Variants in RREB1 observed in about 807,000 individuals in gnomAD.
RREB1 encodes ras responsive element binding protein 1.
In RREB1, 27 loss-of-function variants were observed where a neutral mutation model predicts 117.8. That is an observed-to-expected ratio of 0.23 (90% CI 0.17 to 0.32). RREB1 has a LOEUF of 0.32. Ranked by LOEUF, RREB1 falls within the 10% of genes least tolerant of loss-of-function variation. The probability of loss-of-function intolerance (pLI) is 1.00; values close to 1 mark genes in which losing one functional copy is unlikely to be tolerated. For synonymous variants in RREB1, 1,298 were observed against 1,026.7 expected, an observed-to-expected ratio of 1.26 and a Z score of -5.05; for missense variants, 2,577 against 2,378.2, an observed-to-expected ratio of 1.08 and a Z score of -1.74.
chr6:7,247,170 A>AGTT lies in RREB1; in HGVS notation c.4720_4721insGTT (p.Lys1574delinsSerTer). 6.2e-7 allele frequency: 1 copy of AGTT among 1,613,740 alleles called. No homozygotes were observed. Among genetic ancestry groups the AGTT allele is most frequent in the Non-Finnish European group, 8.5e-7 (1 of 1,179,990 alleles). Reference sequence around the variant, plus strand: ...GAAGAAGGTCTGCAGCGTGTGCAACAAGCGGTTCTGGTCGCTGCAGGACCT... The same window carrying AGTT: ...GAAGAAGGTCTGCAGCGTGTGCAACAGTTAGCGGTTCTGGTCGCTGCAGGACCT... On this transcript the variant is annotated stop_gained and protein_altering_variant, in exon 12 of 13. Coordinates refer to ENST00000379938, the MANE Select transcript of RREB1 (RefSeq NM_001003699.4). LOFTEE classifies it high-confidence loss of function.
chr6:7,153,021 A>T (rs1463464389), intron 1 of RREB1, among the ~76,000 whole-genome samples: 6 of 151,154 alleles, frequency 4.0e-5, no homozygotes, highest in African/African-American at 7.3e-5. Context: ...TGTAGTCTTA[A>T]GTTGTTAATT....
At chr6:7,235,963 CT>C (rs1028410029) in intron 10 of RREB1, among the ~76,000 whole-genome samples, 1 of 152,180 alleles carries the variant, frequency 6.6e-6, no homozygotes, top group Non-Finnish European at 1.5e-5. Flanking sequence ...TTCATACCCC[CT>C]GGCACAGTCT....
intron 1 of RREB1, chr6:7,140,540 T>G (rs1399480642): frequency 6.6e-6 from 1 of 152,228 alleles, no homozygotes; most frequent in African/African-American, 2.4e-5. Context: ...TTGCCTATCA[T>G]TTTCGAAAAC....
intron 1 of RREB1, among the ~76,000 whole-genome samples, chr6:7,172,704 G>T (rs934378433): frequency 5.3e-5 from 8 of 151,598 alleles, no homozygotes; most frequent in Non-Finnish European, 1.0e-4. Flanking sequence ...GGGGGTGGGG[G>T]TGACTTTCTT....
Position 7,231,021 on chromosome 6 carries a change from A to G in RREB1, c.2922A>G (p.Ala974=), listed in dbSNP as rs767419914. ...GCGAGCAGCCCTCTCCCTGCCCAGC[A>G]CCCGGCCCTTCTCTTCCTGTAACTT... ...GSSEQPSPCP[A]PGPSLPVTLG... Residue 974 remains alanine (A), a synonymous_variant, in exon 10 of 13, where the codon GCA becomes GCG. Coordinates refer to ENST00000379938, the MANE Select transcript of RREB1 (RefSeq NM_001003699.4). 1.2e-6 allele frequency: 2 copies of G among 1,613,966 alleles called. No individual in the cohort carries two copies. The highest frequency in any genetic ancestry group is 1.7e-6 in the Non-Finnish European group (2 of 1,179,986).
rs115374971 is a variant in RREB1, at chr6:7,210,175, A to G, written c.426-629A>G. 6.5e-3 allele frequency among the ~76,000 whole-genome samples: 985 copies of G among 152,336 alleles called. 10 individuals carry two copies. Among genetic ancestry groups the G allele is most frequent in the Admixed American group, 9.5e-3 (146 of 15,308 alleles). On this transcript the variant is annotated intron_variant, in intron 6 of 12. Transcript: ENST00000379938. ...CTATATGGGTAGCCTAGTCCTGTAG[A>G]TATTAGAGTTACCACATGTAACTTT...
At chr6:7,133,751 A>G (rs1762244888) in intron 1 of RREB1, among the ~76,000 whole-genome samples, 1 of 152,210 alleles carries the variant, frequency 6.6e-6, no homozygotes, top group Non-Finnish European at 1.5e-5. Context: ...AACCCAAAGG[A>G]AAAAACATCT....
chr6:7,154,041 T>A (rs932905096), intron 1 of RREB1, among the ~76,000 whole-genome samples: 2 of 152,258 alleles, frequency 1.3e-5, no homozygotes, highest in African/African-American at 4.8e-5. Flanking sequence ...TCATGTGACC[T>A]GCCTGACCAC....
intron 4 of RREB1, among the ~76,000 whole-genome samples, chr6:7,186,801 G>A (rs1765104623): frequency 6.6e-6 from 1 of 152,188 alleles, no homozygotes; most frequent in Admixed American, 6.5e-5. Context: ...TTCAGTTTGG[G>A]TTGGCATTCC....
At chr6:7,114,478 G>C (rs552939065) in intron 1 of RREB1, among the ~76,000 whole-genome samples, 4 of 151,714 alleles carry the variant, frequency 2.6e-5, no homozygotes, top group Admixed American at 6.6e-5. Flanking sequence ...TGGGGGGGGG[G>C]GCGGCAGCGG....
At chr6:7,133,845 C>T (rs1461464975) in intron 1 of RREB1, among the ~76,000 whole-genome samples, 5 of 151,956 alleles carry the variant, frequency 3.3e-5, no homozygotes, top group Admixed American at 6.6e-5. Context: ...TTACTATTTC[C>T]TTTTAGGTGG....
At chr6:7,110,707 T>C (rs987675399) in intron 1 of RREB1, among the ~76,000 whole-genome samples, 1 of 152,280 alleles carries the variant, frequency 6.6e-6, no homozygotes, top group Non-Finnish European at 1.5e-5. Context: ...GCTTAGCTTG[T>C]GCTCCATTTT....
At chr6:7,117,705 C>T (rs1761476166) in intron 1 of RREB1, among the ~76,000 whole-genome samples, 1 of 151,892 alleles carries the variant, frequency 6.6e-6, no homozygotes, top group South Asian at 2.1e-4. Flanking sequence ...CACCGCGCCC[C>T]ACCAGATTTC....
intron 11 of RREB1, among the ~76,000 whole-genome samples, chr6:7,244,194 C>T (rs1017287129): frequency 1.3e-5 from 2 of 150,558 alleles, no homozygotes; most frequent in Non-Finnish European, 2.9e-5. Flanking sequence ...ACCCAGGAGG[C>T]AGAGGTTACG....
chr6:7,226,583 C>T lies in RREB1; in HGVS notation c.824C>T (p.Pro275Leu), dbSNP rs1295012632. 2 of 1,614,050 alleles carry T rather than the reference C, an allele frequency of 1.2e-6. No individual in the cohort carries two copies. Among genetic ancestry groups the T allele is most frequent in the African/African-American group, 2.7e-5 (2 of 74,918 alleles). Residue 275 changes from proline to leucine, a missense_variant, in exon 9 of 13, where the codon CCT (proline) becomes CTT (leucine). Transcript: ENST00000379938. ...GGCAGACCTTTCATACAGAACAACCCTTCAATTCCTGCTGGCTTCCACGAC... is the reference window on the plus strand; with the variant it reads ...GGCAGACCTTTCATACAGAACAACCTTTCAATTCCTGCTGGCTTCCACGAC... ...AMGRPFIQNNPSIPAGFHDLG... is the reference protein window; with the variant it reads ...AMGRPFIQNNLSIPAGFHDLG...
intron 3 of RREB1, 174 bp from the exon 4 acceptor site, chr6:7,181,696 G>T: frequency 1.6e-6 from 1 of 641,140 alleles, no homozygotes. Context: ...GCCAAGACTT[G>T]GTTTAAATGA....
chr6:7,184,280 T>TTTA (rs1254852556), intron 4 of RREB1, among the ~76,000 whole-genome samples: 2 of 151,184 alleles, frequency 1.3e-5, no homozygotes, highest in African/African-American at 4.8e-5. Context: ...TATTATTTTT[T>TTTA]TTATTATTAT....
intron 4 of RREB1, among the ~76,000 whole-genome samples, chr6:7,186,782 G>T (rs554539985): frequency 2.0e-5 from 3 of 152,338 alleles, no homozygotes; most frequent in African/African-American, 7.2e-5. Context: ...GTCACCTTCT[G>T]TGGAAGTCTT....
At position 7,188,968 on chromosome 6, in the gene RREB1, C is replaced by T. The variant is rs141935605; in HGVS notation, c.262-191C>T. The stretch of plus-strand genomic sequence containing the variant: ...AAACAATGTGGGAATGGAGGAATAT[C>T]ATACAAAATATTTATTTGCCTGTTT... On this transcript the variant is annotated intron_variant, in intron 5 of 12. Coordinates refer to ENST00000379938, the MANE Select transcript of RREB1 (RefSeq NM_001003699.4). 2.6e-4 allele frequency among the ~76,000 whole-genome samples: 40 copies of T among 152,292 alleles called. No homozygotes were observed. In the East Asian group the frequency reaches 6.0e-3, roughly 23 times the overall value.
Sources: gnomAD v4.1 joint callset for allele counts (sites outside exome capture counted in the v4.1 genomes callset) on GRCh38, gnomAD v4.1.1 for gene constraint, MANE v1.5 for transcripts, NCBI Gene and HGNC (gene_info 2026-07-23, HGNC 2026-07-21) for gene names.